Variants in CRTC1 observed in about 807,000 individuals in gnomAD.
CRTC1 encodes CREB-regulated transcription coactivator 1.
CRTC1 carries 18 observed loss-of-function variants against 66.1 expected under a neutral mutation model. The ratio of observed to expected loss-of-function variants is 0.27; its 90% CI spans 0.19 to 0.40. CRTC1 has a LOEUF of 0.40. Among genes scored for constraint, CRTC1 ranks in the 10% least tolerant of loss-of-function variants. The probability of loss-of-function intolerance (pLI) is 1.00; values close to 1 mark genes in which losing one functional copy is unlikely to be tolerated. For missense variants in CRTC1, 669 were observed against 887.9 expected (o/e 0.75, Z 3.13); for synonymous variants, 416 against 398.8 (o/e 1.04, Z -0.51).
chr19:18,775,012 C>T (rs201129558), intron 12 of CRTC1, 26 bp downstream of exon 12: 44 of 1,596,092 alleles, frequency 2.8e-5, no homozygotes, highest in South Asian at 1.3e-4. Context: ...GGCTGCCAGC[C>T]GGCCGGTGCC....
chr19:18,753,368 T>C (rs751855780), intron 5 of CRTC1, 132 bp from the exon 6 acceptor site: 2 of 619,992 alleles, frequency 3.2e-6, no homozygotes, highest in Non-Finnish European at 5.8e-6. Context: ...TCCACAGAAG[T>C]TCCCGTTAGG....
chr19:18,744,018 C>T (rs2054171553), intron 2 of CRTC1: 6 of 1,414,068 alleles, frequency 4.2e-6, no homozygotes, highest in Non-Finnish European at 5.9e-6. Context: ...TCGCCCGAGG[C>T]CCACAGCCCG....
chr19:18,713,937 T>G (rs527707982), intron 1 of CRTC1, among the ~76,000 whole-genome samples: 7 of 152,312 alleles, frequency 4.6e-5, no homozygotes, highest in Non-Finnish European at 1.0e-4. Context: ...AGGGCTGTTT[T>G]GGGAGGGCCT....
At chr19:18,743,731 C>A (rs1045069033) in intron 2 of CRTC1, among the ~76,000 whole-genome samples, 7 of 152,252 alleles carry the variant, frequency 4.6e-5, no homozygotes, top group African/African-American at 1.7e-4. Context: ...AAGTCACCCA[C>A]CAGCTCCACC....
At chr19:18,716,649 G>C (rs991546166) in intron 1 of CRTC1, among the ~76,000 whole-genome samples, 9 of 152,214 alleles carry the variant, frequency 5.9e-5, no homozygotes, top group Non-Finnish European at 1.2e-4. Flanking sequence ...GCTAGTATAG[G>C]GGCTAGCGAG....
rs762184647 is a variant in CRTC1 at position 18,759,991 on chromosome 19, C to G, written c.666-17C>G. On this transcript the variant is annotated splice_polypyrimidine_tract_variant and intron_variant, in intron 7 of 13. Coordinates refer to ENST00000321949, the MANE Select transcript of CRTC1 (RefSeq NM_015321.3). ...CCCCATGAGCTCACCTCCTGCCTGC[C>G]TCTGGCCTTTTCCCAGCATCTTCCC... The G allele has an allele frequency of 3.4e-6, 5 of 1,463,766 alleles. No individual in the cohort carries two copies. The highest frequency in any genetic ancestry group is 4.6e-6 in the Non-Finnish European group (5 of 1,081,524). The allele number at this position is 1,463,766 out of a possible 1,614,324, so 90.7% of individuals were successfully genotyped here. A position where few individuals can be genotyped will look rare whatever the true frequency, so the allele number is the denominator to read the frequency against.
In CRTC1 at chr19:18,760,054, G is replaced by A. The variant is rs746942608; in HGVS notation, c.712G>A (p.Ala238Thr). 24 of 1,599,110 alleles carry A rather than the reference G, an allele frequency of 1.5e-5. No individual in the cohort carries two copies. Among genetic ancestry groups the A allele is most frequent in the Middle Eastern group, 1.7e-4 (1 of 5,990 alleles). The change falls in exon 8 of 14, where the codon GCC becomes ACC. Residue 238 changes from alanine (A) to threonine (T), a missense_variant. Physicochemically the swap from Ala to Thr is moderately conservative, Grantham distance 58. This residue lies in a region of CRTC1 where 214 missense variants were observed against 323.4 expected (regional missense o/e 0.66). Coordinates refer to ENST00000321949, the MANE Select transcript of CRTC1 (RefSeq NM_015321.3). The surrounding 1 kb of genome is among the most constrained non-coding windows in gnomAD (Gnocchi z 6.2). ...DQENTTALIP[A>T]THNTGGSLPD... ...GGAAAACACTACAGCCCTGATCCCC[G>A]CCACCCACAACACAGGGGGGTCCCT...
At chr19:18,752,273 T>G (rs2054381470) in intron 5 of CRTC1, among the ~76,000 whole-genome samples, 1 of 152,116 alleles carries the variant, frequency 6.6e-6, no homozygotes, top group South Asian at 2.1e-4. Flanking sequence ...CAGCCTCTTC[T>G]GTGGGAAGCA....
intron 1 of CRTC1, among the ~76,000 whole-genome samples, chr19:18,732,318 A>G (rs1322486823): frequency 1.3e-5 from 2 of 152,144 alleles, no homozygotes; most frequent in Non-Finnish European, 2.9e-5. Context: ...AAGAAGAAGA[A>G]GAGAGATCTC....
In CRTC1 at chr19:18,775,729, T is replaced by C. The variant is rs1363970565; in HGVS notation, c.1601T>C (p.Met534Thr). The C allele has an allele frequency of 6.2e-7, 1 of 1,612,494 alleles. No individual in the cohort carries two copies. Among genetic ancestry groups the C allele is most frequent in the African/African-American group, 1.3e-5 (1 of 74,896 alleles). Residue 534 changes from methionine (M) to threonine (T), a missense_variant, in exon 13 of 14, where the codon ATG (methionine) becomes ACG (threonine). Around this residue, in one of 8 missense-constraint regions of CRTC1, gnomAD observed 79 missense variants for 100.1 expected, o/e 0.79. Transcript: ENST00000321949. ...GSTLNYSQAA[M>T]MGLTGSHGSL... is the part of the protein sequence containing the mutation. ...ACACTCAACTACTCGCAGGCGGCCA[T>C]GATGGGCCTCACGGGCAGCCACGGG...
chr19:18,760,023 C>G lies in CRTC1; in HGVS notation c.681C>G (p.Ala227=), dbSNP rs368748501. 2 of 1,587,058 alleles carry G rather than the reference C, an allele frequency of 1.3e-6. No homozygotes were observed. The highest frequency in any genetic ancestry group is 1.7e-6 in the Non-Finnish European group (2 of 1,159,076). The stretch of plus-strand genomic sequence containing the variant: ...CTTTTCCCAGCATCTTCCCGTCTGC[C>G]GACCAGGAAAACACTACAGCCCTGA... ...EVPGINIFPS[A]DQENTTALIP... The change falls in exon 8 of 14, where the codon GCC becomes GCG. Residue 227 remains alanine, a synonymous_variant. Coordinates refer to ENST00000321949, the MANE Select transcript of CRTC1 (RefSeq NM_015321.3). The surrounding 1 kb of genome is among the most constrained non-coding windows in gnomAD (Gnocchi z 6.2).
At position 18,723,541 on chromosome 19, in the gene CRTC1, TAA is replaced by T. The variant is rs888781208; in HGVS notation, c.127-19367_127-19366del. On this transcript the variant is annotated intron_variant, in intron 1 of 13. Coordinates refer to ENST00000321949, the MANE Select transcript of CRTC1 (RefSeq NM_015321.3). Reference sequence around the variant, plus strand: ...CACGTGGTGTCTCCATGCTGTGGCTTAAAGTGTTGGAAGTTTGTGGCCAAGGC... The same window carrying T: ...CACGTGGTGTCTCCATGCTGTGGCTTAGTGTTGGAAGTTTGTGGCCAAGGC... 2.4e-3 allele frequency among the ~76,000 whole-genome samples: 370 copies of T among 152,326 alleles called. 2 individuals are homozygous for T. The highest frequency in any genetic ancestry group is 8.3e-3 in the African/African-American group (345 of 41,578).
At chr19:18,712,138 C>T (rs2053405637) in intron 1 of CRTC1, among the ~76,000 whole-genome samples, 1 of 151,930 alleles carries the variant, frequency 6.6e-6, no homozygotes, top group South Asian at 2.1e-4. Flanking sequence ...AGATGGGTCT[C>T]ACTATATTGC....
intron 10 of CRTC1, among the ~76,000 whole-genome samples, chr19:18,769,579 C>T (rs1233124359): frequency 6.6e-6 from 1 of 152,230 alleles, no homozygotes; most frequent in African/African-American, 2.4e-5. Context: ...TGTTCCCAAG[C>T]TGCTCTGACC....
At chr19:18,685,912 A>G (rs189015196) in intron 1 of CRTC1, among the ~76,000 whole-genome samples, 2 of 152,338 alleles carry the variant, frequency 1.3e-5, no homozygotes, top group East Asian at 3.9e-4. Context: ...TGTTGAAAAC[A>G]TCTCTTTAAA....
intron 6 of CRTC1, among the ~76,000 whole-genome samples, chr19:18,758,464 C>A (rs2054542736): frequency 6.6e-6 from 1 of 152,112 alleles, no homozygotes; most frequent in South Asian, 2.1e-4. Flanking sequence ...CTATTGTGGG[C>A]CCTTTCCATA....
At chr19:18,772,077 A>G (rs1303990350) in intron 11 of CRTC1, among the ~76,000 whole-genome samples, 1 of 152,142 alleles carries the variant, frequency 6.6e-6, no homozygotes, top group Non-Finnish European at 1.5e-5. Context: ...CCTTGTCCCC[A>G]TTCCACAGAC....
chr19:18,697,377 T>G (rs1299663103), intron 1 of CRTC1, among the ~76,000 whole-genome samples: 1 of 151,950 alleles, frequency 6.6e-6, no homozygotes, highest in Non-Finnish European at 1.5e-5. Flanking sequence ...CGTGGTGCGA[T>G]CTCAGCTCAG....
rs536016311 is a variant in CRTC1, at chr19:18,685,484, C to T, written c.126+1656C>T. ...CCAGCCTGGCCAACGTGGTGAAACC[C>T]TGTCTGTACTAAAAATATAAAAATT... On this transcript the variant is annotated intron_variant, in intron 1 of 13. Coordinates refer to ENST00000321949, the MANE Select transcript of CRTC1 (RefSeq NM_015321.3). Among the ~76,000 whole-genome samples the T allele has an allele frequency of 5.9e-5, 9 of 152,254 alleles. No homozygotes were observed. The South Asian group carries it at 1.7e-3, about 28-fold the overall frequency.
Sources: gnomAD v4.1 joint callset for allele counts (sites outside exome capture counted in the v4.1 genomes callset) on GRCh38, gnomAD v4.1.1 for gene constraint, gnomAD v4.1.1 regional missense constraint, Gnocchi (gnomAD v3.1) non-coding constraint, MANE v1.5 for transcripts, NCBI Gene and HGNC (gene_info 2026-07-23, HGNC 2026-07-21) for gene names.